ACCSL: variants seen among roughly 807,000 people sequenced by gnomAD.
ACCSL encodes 1-aminocyclopropane-1-carboxylate synthase homolog (inactive) like.
Under a neutral mutation model 61.7 loss-of-function variants are expected in ACCSL, and 55 were observed. The ratio of observed to expected loss-of-function variants is 0.89; its 90% CI spans 0.72 to 1.12. The LOEUF (loss-of-function observed/expected upper bound fraction) is 1.12, where lower values mean the gene tolerates loss of function less well. Among genes scored for constraint, ACCSL ranks in the 50% most tolerant of loss-of-function variants. ACCSL has a pLI of 0.00. For synonymous variants in ACCSL, 258 were observed against 264.3 expected (o/e 0.98, Z 0.23); for missense variants, 632 against 698.0 (o/e 0.91, Z 1.07).
the ACCSL span, among the ~76,000 whole-genome samples, chr11:43,967,167 C>CTTTTTTTTTTT: frequency 6.7e-3 from 423 of 62,696 alleles, 76 homozygotes; most frequent in African/African-American, 8.6e-3. Context: ...TCTTCTTCTT[C>CTTTTTTTTTTT]TTTTTTTTTT....
At chr11:43,986,311 C>A in the ACCSL span, among the ~76,000 whole-genome samples, 1 of 136,894 alleles carries the variant, frequency 7.3e-6, no homozygotes, top group Non-Finnish European at 1.6e-5. Flanking sequence ...CACCCCCACC[C>A]CCCACCCACT....
At chr11:44,020,505 G>T in the ACCSL span, among the ~76,000 whole-genome samples, 9 of 152,112 alleles carry the variant, frequency 5.9e-5, no homozygotes, top group African/African-American at 2.2e-4. Context: ...TATTCCTAGT[G>T]TCTTTGTGTG....
At chr11:43,943,301 G>C in the ACCSL span, 1 of 1,454,268 alleles carries the variant, frequency 6.9e-7, no homozygotes, top group African/African-American at 1.5e-5. The surrounding 1 kb of genome is among the most constrained non-coding windows in gnomAD (Gnocchi z 4.8). Flanking sequence ...GGGGACGCGC[G>C]CGTCCGCGGT....
At position 44,059,198 on chromosome 11, in the gene ACCSL, C is replaced by T. The variant is rs537435013; in HGVS notation, c.1624+499C>T. ...TGGAGGTTGCAGTGAGCTGAGATTG[C>T]GCCACTGCACTCCAGCCTGGGCGAC... On this transcript the variant is annotated intron_variant, in intron 13 of 13. Transcript: ENST00000378832. Among the ~76,000 whole-genome samples the T allele has an allele frequency of 2.6e-5, 4 of 152,166 alleles. No homozygotes were observed. In the South Asian group the frequency reaches 8.3e-4, roughly 32 times the overall value.
chr11:44,026,038 T>C, the ACCSL span, among the ~76,000 whole-genome samples: 1 of 152,220 alleles, frequency 6.6e-6, no homozygotes, highest in African/African-American at 2.4e-5. Context: ...TTATCCTAAG[T>C]GGAACTTGTT....
the ACCSL span, among the ~76,000 whole-genome samples, chr11:43,929,944 CAA>C: frequency 2.0e-5 from 3 of 152,132 alleles, no homozygotes; most frequent in African/African-American, 7.2e-5. Flanking sequence ...CCAGCCTGAC[CAA>C]GAGAGACTGA....
chr11:44,018,146 G>C, the ACCSL span, among the ~76,000 whole-genome samples: 6 of 152,042 alleles, frequency 3.9e-5, no homozygotes, highest in Admixed American at 1.3e-4. Context: ...CAGCCCCAGT[G>C]GGGGAAGGAA....
the ACCSL span, chr11:43,942,760 C>T: frequency 3.3e-6 from 1 of 306,844 alleles, no homozygotes; most frequent in Non-Finnish European, 4.8e-6. Context: ...CCCGGGCCCG[C>T]GAGGGCCGCC....
chr11:44,056,229 C>T lies in ACCSL; in HGVS notation c.1230C>T (p.His410=), dbSNP rs762806945. The T allele has an allele frequency of 1.2e-6, 2 of 1,614,142 alleles. No individual in the cohort carries two copies. The highest frequency in any genetic ancestry group is 1.7e-6 in the Non-Finnish European group (2 of 1,179,982). ...SGFRFGALYT[H]NKEVASAVSA... is the part of the protein sequence containing the mutation. Reference sequence around the variant, plus strand: ...TCCGCTTTGGTGCTCTGTATACCCACAACAAGGAGGTGGCCTCTGCTGTGA... The same window carrying T: ...TCCGCTTTGGTGCTCTGTATACCCATAACAAGGAGGTGGCCTCTGCTGTGA... Residue 410 remains histidine (H), a synonymous_variant, in exon 11 of 14, where the codon CAC becomes CAT. Coordinates refer to ENST00000378832, the MANE Select transcript of ACCSL (RefSeq NM_001031854.2).
chr11:43,968,688 G>A, the ACCSL span, among the ~76,000 whole-genome samples: 2 of 152,134 alleles, frequency 1.3e-5, no homozygotes, highest in Admixed American at 1.3e-4. Context: ...GAATTCTCAG[G>A]GAAAATGCTT....
At chr11:43,945,734 G>A in the ACCSL span, 1 of 151,890 alleles carries the variant, frequency 6.6e-6, no homozygotes, top group Non-Finnish European at 1.5e-5. Flanking sequence ...TGTGTTCCCA[G>A]CTATTCAGGA....
chr11:43,961,017 T>C, the ACCSL span, among the ~76,000 whole-genome samples: 1 of 151,860 alleles, frequency 6.6e-6, no homozygotes, highest in Non-Finnish European at 1.5e-5. Context: ...GATGGGGTTA[T>C]GCCATGTTGG....
the ACCSL span, among the ~76,000 whole-genome samples, chr11:44,012,910 G>A: frequency 1.3e-5 from 2 of 152,176 alleles, no homozygotes; most frequent in African/African-American, 4.8e-5. Context: ...CCTTCTTGGT[G>A]TCCTTTACTG....
intron 5 of ACCSL, 78 bp from the exon 6 acceptor site, chr11:44,052,584 T>G: frequency 8.0e-7 from 1 of 1,242,520 alleles, no homozygotes; most frequent in Non-Finnish European, 1.2e-6. Flanking sequence ...GTCGATAGCT[T>G]TGCTAGTTTG....
chr11:43,954,225 G>T, the ACCSL span, among the ~76,000 whole-genome samples: 15 of 152,204 alleles, frequency 9.9e-5, no homozygotes, highest in South Asian at 2.1e-4. Context: ...TCATACCGAA[G>T]CGGCCTCATT....
At chr11:43,965,258 G>A in the ACCSL span, among the ~76,000 whole-genome samples, 1 of 151,832 alleles carries the variant, frequency 6.6e-6, no homozygotes, top group African/African-American at 2.4e-5. Flanking sequence ...AATTTTGCAA[G>A]GTATAATATC....
At chr11:43,996,377 T>G in the ACCSL span, among the ~76,000 whole-genome samples, 1 of 152,132 alleles carries the variant, frequency 6.6e-6, no homozygotes, top group African/African-American at 2.4e-5. Context: ...TCAGTGGCTG[T>G]GGGGAGACCT....
At chr11:43,934,080 C>G in the ACCSL span, among the ~76,000 whole-genome samples, 1 of 152,248 alleles carries the variant, frequency 6.6e-6, no homozygotes, top group South Asian at 2.1e-4. Context: ...CTCCCTCTCT[C>G]CCTCTCTGTG....
chr11:43,984,347 G>A, the ACCSL span, among the ~76,000 whole-genome samples: 5 of 152,096 alleles, frequency 3.3e-5, no homozygotes, highest in African/African-American at 1.2e-4. Flanking sequence ...TCACCTTTCT[G>A]TCCCATTATC....
Sources: gnomAD v4.1 joint callset for allele counts (sites outside exome capture counted in the v4.1 genomes callset) on GRCh38, gnomAD v4.1.1 for gene constraint, Gnocchi (gnomAD v3.1) non-coding constraint, MANE v1.5 for transcripts, NCBI Gene and HGNC (gene_info 2026-07-23, HGNC 2026-07-21) for gene names.